Variants in ARHGEF7 observed in about 807,000 individuals in gnomAD.
ARHGEF7 encodes Rho guanine nucleotide exchange factor 7.
ARHGEF7 carries 33 observed loss-of-function variants against 109.8 expected under a neutral mutation model. The ratio of observed to expected loss-of-function variants is 0.30; its 90% confidence interval spans 0.23 to 0.40. ARHGEF7 has a LOEUF of 0.40. ARHGEF7 is among the 10% of genes least tolerant of loss of function. The pLI is 1.00. For missense variants in ARHGEF7, 938 were observed against 1,098.5 expected (o/e 0.85, Z 2.07); for synonymous variants, 458 against 424.6 (o/e 1.08, Z -0.97).
At chr13:111,146,468 C>T (rs2075598473) in intron 1 of ARHGEF7, among the ~76,000 whole-genome samples, 1 of 152,232 alleles carries the variant, frequency 6.6e-6, no homozygotes, top group Middle Eastern at 3.2e-3. Context: ...TAAACATACA[C>T]ACACATGTGC....
intron 2 of ARHGEF7, among the ~76,000 whole-genome samples, chr13:111,193,421 C>G (rs2080131531): frequency 6.6e-6 from 1 of 152,198 alleles, no homozygotes; most frequent in Non-Finnish European, 1.5e-5. Flanking sequence ...TTTCTCCTTA[C>G]ACTTTGGCAG....
chr13:111,288,255 G>T (rs1183951579), intron 17 of ARHGEF7, 99 bp from the exon 18 acceptor site: 3 of 568,880 alleles, frequency 5.3e-6, no homozygotes, highest in African/African-American at 1.8e-5. Flanking sequence ...TATCTTACTT[G>T]GTCACTTTGG....
chr13:111,281,054 T>C (rs189335590), intron 15 of ARHGEF7: 19 of 160,218 alleles, frequency 1.2e-4, no homozygotes, highest in Non-Finnish European at 1.8e-4. Flanking sequence ...AAATAAATGA[T>C]TATGATGATG....
chr13:111,139,496 T>C (rs919750991), intron 1 of ARHGEF7, among the ~76,000 whole-genome samples: 4 of 152,202 alleles, frequency 2.6e-5, no homozygotes, highest in African/African-American at 9.6e-5. Flanking sequence ...TTGTCCCCCT[T>C]GGTTGAAGAA....
chr13:111,300,278 A>T (rs988701696), intron 19 of ARHGEF7, among the ~76,000 whole-genome samples: 5 of 152,216 alleles, frequency 3.3e-5, no homozygotes, highest in Non-Finnish European at 7.3e-5. Context: ...ATGTGCTATG[A>T]TGCTGTAATA....
rs147632004 is a variant in ARHGEF7, at chr13:111,258,689, C to CCTT, written c.951-8857_951-8856insTCT. Among the ~76,000 whole-genome samples the CCTT allele has an allele frequency of 0.022, 3,325 of 151,876 alleles. 122 individuals are homozygous for CCTT. The highest frequency in any genetic ancestry group is 0.077 in the African/African-American group (3,169 of 41,380). ...GCTGTGGTGGCTACAGGGAGGGACTCCTGCTTGAGAAAAGGAGAGGAGACT... is the reference window on the plus strand; with the variant it reads ...GCTGTGGTGGCTACAGGGAGGGACTCCTTCTGCTTGAGAAAAGGAGAGGAGACT... On this transcript the variant is annotated intron_variant, in intron 8 of 21. Coordinates refer to ENST00000646102, the MANE Select transcript of ARHGEF7 (RefSeq NM_001354046.2). This position sits in a 1 kb window ranked among gnomAD's most constrained non-coding sequence, Gnocchi z 4.4.
At chr13:111,275,760 G>A in intron 12 of ARHGEF7, 82 bp downstream of exon 12, 1 of 1,557,342 alleles carries the variant, frequency 6.4e-7, no homozygotes, top group Non-Finnish European at 8.8e-7. Flanking sequence ...GGCATCTCAA[G>A]CGATGAAAAA....
chr13:111,244,153 A>G, intron 7 of ARHGEF7, 46 bp from the exon 8 acceptor site: 2 of 1,439,386 alleles, frequency 1.4e-6, no homozygotes, highest in Non-Finnish European at 1.9e-6. Flanking sequence ...GAAGAATATA[A>G]ATAAAACTGT....
At chr13:111,244,800 CAT>C (rs2088493823) in intron 8 of ARHGEF7, among the ~76,000 whole-genome samples, 1 of 152,232 alleles carries the variant, frequency 6.6e-6, no homozygotes, top group Admixed American at 6.5e-5. Flanking sequence ...GGCTCAGACA[CAT>C]CTTTATTAAT....
At position 111,295,588 on chromosome 13, in the gene ARHGEF7, A is replaced by C. The variant is rs184887444; in HGVS notation, c.2311+3294A>C. 9.0e-3 allele frequency among the ~76,000 whole-genome samples: 1,368 copies of C among 152,324 alleles called. 21 individuals are homozygous for C. Among genetic ancestry groups the C allele is most frequent in the African/African-American group, 0.031 (1,294 of 41,554 alleles). On this transcript the variant is annotated intron_variant, in intron 19 of 21. Transcript: ENST00000646102. ...TGCTTATCCAGCTAAGAGAGTAATG[A>C]AGCAAAATAAAGGGAAAGGAAACGA...
intron 5 of ARHGEF7, among the ~76,000 whole-genome samples, chr13:111,229,480 C>A (rs544528999): frequency 3.9e-4 from 59 of 152,120 alleles, no homozygotes; most frequent in Non-Finnish European, 7.8e-4. Flanking sequence ...GTCTTCATGG[C>A]GCCTTTTTTA....
rs1478996786 is a variant in ARHGEF7, at chr13:111,258,733, A to G, written c.951-8815A>G. Among the ~76,000 whole-genome samples, 3 of 152,034 alleles carry G rather than the reference A, an allele frequency of 2.0e-5. No homozygotes were observed. Among genetic ancestry groups the G allele is most frequent in the African/African-American group, 7.2e-5 (3 of 41,384 alleles). On this transcript the variant is annotated intron_variant, in intron 8 of 21. Coordinates refer to ENST00000646102, the MANE Select transcript of ARHGEF7 (RefSeq NM_001354046.2). This position sits in a 1 kb window ranked among gnomAD's most constrained non-coding sequence, Gnocchi z 4.4. ...GGAGACTTTGTCTTGCAGCGTAGGT[A>G]TCTGCCCAGCCACAGTGAGGTGGAA...
chr13:111,300,892 GGT>G (rs1415133230), intron 20 of ARHGEF7, 45 bp downstream of exon 20: 1 of 1,331,576 alleles, frequency 7.5e-7, no homozygotes, highest in African/African-American at 1.5e-5. Flanking sequence ...TGACCTCTGC[GGT>G]GGGGTAGTAG....
At position 111,145,506 on chromosome 13, in the gene ARHGEF7, T is replaced by G. The variant is rs1020987236; in HGVS notation, c.166-8399T>G. 6.6e-6 allele frequency among the ~76,000 whole-genome samples: 1 copy of G among 152,166 alleles called. No individual in the cohort carries two copies. Among genetic ancestry groups the G allele is most frequent in the African/African-American group, 2.4e-5 (1 of 41,420 alleles). ...AGGAGAGGCTGCCTGACAGGAGCCA[T>G]GGTCTTCCGCGAGTGGTGTGTTGGT... On this transcript the variant is annotated intron_variant, in intron 1 of 21. Transcript: ENST00000646102. The surrounding 1 kb of genome is among the most constrained non-coding windows in gnomAD (Gnocchi z 4.3).
intron 16 of ARHGEF7, among the ~76,000 whole-genome samples, chr13:111,283,985 T>G (rs533830153): frequency 2.6e-5 from 4 of 152,150 alleles, no homozygotes; most frequent in African/African-American, 7.2e-5. Flanking sequence ...CCTTACACTT[T>G]TACCTAAACC....
At chr13:111,247,532 A>G (rs558727498) in intron 8 of ARHGEF7, among the ~76,000 whole-genome samples, 1 of 152,092 alleles carries the variant, frequency 6.6e-6, no homozygotes, top group Admixed American at 6.5e-5. Context: ...CAGCCTCCCA[A>G]AGTGTTGGGA....
chr13:111,140,689 T>A (rs2075304660), intron 1 of ARHGEF7, among the ~76,000 whole-genome samples: 1 of 152,124 alleles, frequency 6.6e-6, no homozygotes, highest in Admixed American at 6.5e-5. Context: ...TTTTTTTTGT[T>A]TGTTCGTTTG....
chr13:111,208,607 C>T (rs1393664574), intron 3 of ARHGEF7, among the ~76,000 whole-genome samples: 1 of 152,194 alleles, frequency 6.6e-6, no homozygotes. Flanking sequence ...CAGCAGAGCA[C>T]TGCAGACCAT....
chr13:111,281,348 TTAA>T (rs2092771360), intron 15 of ARHGEF7, among the ~76,000 whole-genome samples: 1 of 152,092 alleles, frequency 6.6e-6, no homozygotes, highest in African/African-American at 2.4e-5. Context: ...GGCAGAGCTT[TTAA>T]AGAATGAATG....
Sources: gnomAD v4.1 joint callset for allele counts (sites outside exome capture counted in the v4.1 genomes callset) on GRCh38, gnomAD v4.1.1 for gene constraint, Gnocchi (gnomAD v3.1) non-coding constraint, MANE v1.5 for transcripts, NCBI Gene and HGNC (gene_info 2026-07-23, HGNC 2026-07-21) for gene names.